PDE8B: variants seen among roughly 807,000 people sequenced by gnomAD.
PDE8B encodes high affinity cAMP-specific and IBMX-insensitive 3',5'-cyclic phosphodiesterase 8B.
Under a neutral mutation model 101.3 loss-of-function variants are expected in PDE8B, and 26 were observed. That is an observed-to-expected ratio of 0.26 (90% CI 0.19 to 0.36). PDE8B has a LOEUF of 0.36. Ranked by LOEUF, PDE8B falls within the 10% of genes least tolerant of loss-of-function variation. The pLI, the probability that PDE8B is intolerant of heterozygous loss-of-function variation, is 1.00. For synonymous variants in PDE8B, 424 were observed against 429.3 expected, an observed-to-expected ratio of 0.99 and a Z score of 0.15; for missense variants, 810 against 1,163.1, an observed-to-expected ratio of 0.70 and a Z score of 4.42.
At chr5:77,376,173 A>G (rs1183757456) in intron 10 of PDE8B, among the ~76,000 whole-genome samples, 1 of 152,230 alleles carries the variant, frequency 6.6e-6, no homozygotes, top group Non-Finnish European at 1.5e-5. Flanking sequence ...CACAGGTGGC[A>G]TCCGTCCTCA....
chr5:77,171,263 C>T, the PDE8B span, among the ~76,000 whole-genome samples: 1 of 152,158 alleles, frequency 6.6e-6, no homozygotes, highest in Admixed American at 6.5e-5. Flanking sequence ...CCTGAGGTCA[C>T]TTGGAAATGG....
chr5:77,165,332 T>G, the PDE8B span: 2 of 152,236 alleles, frequency 1.3e-5, no homozygotes, highest in Admixed American at 1.3e-4. Flanking sequence ...ACAACCATCT[T>G]GAAAAATTCC....
chr5:77,419,303 G>A (rs1477824146), intron 18 of PDE8B, among the ~76,000 whole-genome samples: 1 of 152,206 alleles, frequency 6.6e-6, no homozygotes, highest in Non-Finnish European at 1.5e-5. Context: ...CTGCAGTCTA[G>A]AGAATTACTT....
intron 1 of PDE8B, among the ~76,000 whole-genome samples, chr5:77,283,230 A>G (rs930171847): frequency 2.0e-5 from 3 of 152,142 alleles, no homozygotes; most frequent in African/African-American, 7.2e-5. Context: ...CATATATTCG[A>G]AACCCTGCAC....
chr5:77,159,758 A>C, the PDE8B span, among the ~76,000 whole-genome samples: 2 of 152,148 alleles, frequency 1.3e-5, no homozygotes, highest in Admixed American at 1.3e-4. Context: ...CACACTGGCT[A>C]ATGTGCTGCA....
At chr5:77,352,349 T>G (rs1343335321) in intron 9 of PDE8B, among the ~76,000 whole-genome samples, 2 of 152,246 alleles carry the variant, frequency 1.3e-5, no homozygotes, top group African/African-American at 4.8e-5. Context: ...TTTCTGTGTG[T>G]GTGACCAGAA....
intron 1 of PDE8B, among the ~76,000 whole-genome samples, chr5:77,260,157 C>CAAAAAAAAAAAAAAAAAAAAA (rs66923234): frequency 1.8e-4 from 18 of 100,946 alleles, no homozygotes; most frequent in South Asian, 6.8e-4. Context: ...AACTCCATCA[C>CAAAAAAAAAAAAAAAAAAAAA]AAAAAAAAAA....
At chr5:77,101,057 C>A in the PDE8B span, among the ~76,000 whole-genome samples, 2 of 147,356 alleles carry the variant, frequency 1.4e-5, no homozygotes, top group Non-Finnish European at 3.0e-5. Context: ...GCAGCCTCAT[C>A]CTCCTGGGCT....
chr5:77,284,656 T>C (rs1046687712), intron 1 of PDE8B, among the ~76,000 whole-genome samples: 1 of 152,204 alleles, frequency 6.6e-6, no homozygotes, highest in Non-Finnish European at 1.5e-5. Context: ...GCTCCCTCCC[T>C]TTCTATTCAC....
intron 1 of PDE8B, among the ~76,000 whole-genome samples, chr5:77,225,416 C>T (rs1349928063): frequency 1.3e-5 from 2 of 152,190 alleles, no homozygotes; most frequent in African/African-American, 2.4e-5. Flanking sequence ...AGAGTAGCCA[C>T]GTTGGCTCCT....
the PDE8B span, among the ~76,000 whole-genome samples, chr5:77,158,077 C>A: frequency 9.2e-5 from 14 of 152,318 alleles, no homozygotes; most frequent in African/African-American, 3.4e-4. Flanking sequence ...CAGATAGAGG[C>A]AGATAACTTG....
At chr5:77,355,763 G>C (rs1438914201) in intron 10 of PDE8B, among the ~76,000 whole-genome samples, 1 of 152,234 alleles carries the variant, frequency 6.6e-6, no homozygotes, top group African/African-American at 2.4e-5. Context: ...GCCACAGACA[G>C]GTAAACAGAA....
At chr5:77,270,114 T>A (rs1280928160) in intron 1 of PDE8B, among the ~76,000 whole-genome samples, 1 of 152,228 alleles carries the variant, frequency 6.6e-6, no homozygotes, top group Non-Finnish European at 1.5e-5. Context: ...ACATGGAATA[T>A]CTTTTCAATT....
At chr5:77,222,014 G>A (rs142305506) in intron 1 of PDE8B, among the ~76,000 whole-genome samples, 2 of 152,274 alleles carry the variant, frequency 1.3e-5, no homozygotes, top group African/African-American at 2.4e-5. Flanking sequence ...ACATCATGGA[G>A]CTTTTGAAAG....
chr5:77,259,852 A>G (rs1358735706), intron 1 of PDE8B, among the ~76,000 whole-genome samples: 1 of 152,144 alleles, frequency 6.6e-6, no homozygotes, highest in African/African-American at 2.4e-5. Context: ...CCTGTGGAAA[A>G]AAGTTTGACT....
the PDE8B span, among the ~76,000 whole-genome samples, chr5:77,184,071 G>A: frequency 1.3e-5 from 2 of 151,966 alleles, no homozygotes; most frequent in African/African-American, 4.8e-5. Flanking sequence ...CATCCAAGCA[G>A]TCCTCCTGCC....
Position 77,257,856 on chromosome 5 carries a change from G to T in PDE8B, c.339+46592G>T, listed in dbSNP as rs573879005. On this transcript the variant is annotated intron_variant, in intron 1 of 21. Transcript: ENST00000264917. ...ACCCTGACAGGCCCCAGTGTGTATT[G>T]TTCCCCTCCCTGTGTCCATGTGCTC... Among the ~76,000 whole-genome samples the T allele has an allele frequency of 9.2e-5, 14 of 152,062 alleles. No individual in the cohort carries two copies. The East Asian group carries it at 2.7e-3, about 29-fold the overall frequency.
chr5:77,362,294 A>G (rs541760559), intron 10 of PDE8B, among the ~76,000 whole-genome samples: 145 of 152,356 alleles, frequency 9.5e-4, no homozygotes, highest in African/African-American at 3.2e-3. Flanking sequence ...TTAAAAATTA[A>G]ATTACATAAA....
chr5:77,250,517 C>A (rs1209156780), intron 1 of PDE8B, among the ~76,000 whole-genome samples: 1 of 152,208 alleles, frequency 6.6e-6, no homozygotes, highest in African/African-American at 2.4e-5. Context: ...GAGCAAGTTC[C>A]TCTTGAGGTT....
Sources: allele counts gnomAD v4.1 joint callset (sites outside exome capture counted in the v4.1 genomes callset), GRCh38; gene constraint gnomAD v4.1.1; transcripts MANE v1.5; gene names NCBI Gene and HGNC (gene_info 2026-07-23, HGNC 2026-07-21).